Variants in LMLN observed in about 807,000 individuals in gnomAD.
The protein encoded by LMLN is leishmanolysin like peptidase.
In LMLN, 70 loss-of-function variants were observed where a neutral mutation model predicts 92.3. The observed-to-expected ratio is 0.76, with a 90% CI of 0.63 to 0.92. The LOEUF is 0.92. Ranked by LOEUF, LMLN falls within the 40% of genes least tolerant of loss-of-function variation. The probability of loss-of-function intolerance (pLI) is 0.00; values close to 1 mark genes in which losing one functional copy is unlikely to be tolerated. For missense variants in LMLN, 691 were observed against 814.6 expected (o/e 0.85, Z 1.85); for synonymous variants, 308 against 296.2 (o/e 1.04, Z -0.41).
chr3:198,019,398 T>G lies in LMLN; in HGVS notation c.1365+13T>G. ...ACAGGAATACCAGGTAGAACAGGGC[T>G]GGGGCACAGTTTCAGGAATCAGCTT... On this transcript the variant is annotated intron_variant, in intron 12 of 15. Coordinates refer to ENST00000330198, the Ensembl canonical transcript of LMLN. This position sits in a 1 kb window ranked among gnomAD's most constrained non-coding sequence, Gnocchi z 5.5. 1.3e-6 allele frequency: 2 copies of G among 1,598,046 alleles called. No homozygotes were observed. Among genetic ancestry groups the G allele is most frequent in the Non-Finnish European group, 1.7e-6 (2 of 1,175,334 alleles).
At chr3:197,985,836 A>G (rs1218269299) in exon 8 of LMLN, 1 of 1,613,832 alleles carries the variant, frequency 6.2e-7, no homozygotes. Flanking sequence ...CATGATAAAG[A>G]TGGAAATCCT....
exon 14 of LMLN, chr3:198,024,701 C>A (rs1449907812): frequency 6.2e-7 from 1 of 1,611,280 alleles, no homozygotes. Flanking sequence ...GACCTCATTC[C>A]GTTTGTCTAA....
intron 11 of LMLN, among the ~76,000 whole-genome samples, chr3:198,016,393 A>T (rs1017378973): frequency 1.3e-5 from 2 of 152,194 alleles, no homozygotes; most frequent in African/African-American, 4.8e-5. Context: ...TTACCCCTGC[A>T]CTACAGGTTG....
intron 11 of LMLN, among the ~76,000 whole-genome samples, chr3:198,016,194 CAA>C (rs202075630): frequency 3.1e-4 from 26 of 83,842 alleles, no homozygotes; most frequent in Admixed American, 8.4e-4. Flanking sequence ...GTTGCAAAAA[CAA>C]AAAAAAAAAA....
In LMLN at chr3:197,975,484, C is replaced by T. The variant is rs139330107; in HGVS notation, c.348+412C>T. Among the ~76,000 whole-genome samples the T allele has an allele frequency of 3.7e-3, 563 of 152,204 alleles. 3 individuals carry two copies. The highest frequency in any genetic ancestry group is 0.013 in the African/African-American group (525 of 41,506). On this transcript the variant is annotated intron_variant, in intron 3 of 15. Coordinates refer to ENST00000330198, the Ensembl canonical transcript of LMLN. ...CTGTGTGGAGACACACACACATGCA[C>T]GCATGCACACACACGCGCACGTGCA...
Position 197,990,552 on chromosome 3 carries a change from A to G in LMLN, c.930-7A>G, listed in dbSNP as rs374277955. 14 of 1,226,592 alleles carry G rather than the reference A, an allele frequency of 1.1e-5. No homozygotes were observed. Among genetic ancestry groups the G allele is most frequent in the Non-Finnish European group, 1.4e-5 (12 of 835,574 alleles). The allele number at this position is 1,226,592 out of a possible 1,614,324, so 76.0% of individuals were successfully genotyped here. A position where few individuals can be genotyped will look rare whatever the true frequency, so the allele number is the denominator to read the frequency against. On this transcript the variant is annotated splice_polypyrimidine_tract_variant and splice_region_variant and intron_variant, in intron 8 of 15. Transcript: ENST00000330198. Reference sequence around the variant, plus strand: ...GTAATAATTGTGTTTTAATTCTATAATTACAGTCTGGGATTATATCAATGG... The same window carrying G: ...GTAATAATTGTGTTTTAATTCTATAGTTACAGTCTGGGATTATATCAATGG...
chr3:198,013,689 T>A (rs1410159667), intron 11 of LMLN, among the ~76,000 whole-genome samples: 2 of 123,136 alleles, frequency 1.6e-5, no homozygotes, highest in Admixed American at 7.5e-5. Context: ...CTCTCCACCC[T>A]TCAGAGCCCC....
chr3:198,029,497 C>A (rs1246336367), intron 14 of LMLN, among the ~76,000 whole-genome samples: 1 of 152,082 alleles, frequency 6.6e-6, no homozygotes, highest in Non-Finnish European at 1.5e-5. Flanking sequence ...CATGGTGAAA[C>A]CCTGTCTCTA....
intron 14 of LMLN, among the ~76,000 whole-genome samples, chr3:198,034,137 A>G (rs1388402820): frequency 6.6e-6 from 1 of 152,214 alleles, no homozygotes; most frequent in Non-Finnish European, 1.5e-5. Flanking sequence ...ACCTTGGGCT[A>G]TTTCCAAAAA....
intron 14 of LMLN, among the ~76,000 whole-genome samples, chr3:198,030,927 C>A (rs1723062280): frequency 6.8e-6 from 1 of 146,546 alleles, no homozygotes; most frequent in African/African-American, 2.6e-5. Flanking sequence ...TGATGTGACG[C>A]CTGCTGACAG....
chr3:198,036,562 G>A (rs1344399109), intron 15 of LMLN, among the ~76,000 whole-genome samples: 1 of 152,104 alleles, frequency 6.6e-6, no homozygotes, highest in Non-Finnish European at 1.5e-5. Context: ...TTGAGGAATA[G>A]GACCGAGTGC....
intron 11 of LMLN, among the ~76,000 whole-genome samples, chr3:198,013,266 T>C (rs1303375562): frequency 1.0e-5 from 1 of 99,536 alleles, no homozygotes; most frequent in Non-Finnish European, 1.8e-5. Flanking sequence ...CTAACTAGTC[T>C]GACTTCTCTG....
At chr3:198,032,495 G>A (rs1560157640) in intron 14 of LMLN, among the ~76,000 whole-genome samples, 1 of 152,158 alleles carries the variant, frequency 6.6e-6, no homozygotes, top group Non-Finnish European at 1.5e-5. Flanking sequence ...CTGAGGCTGG[G>A]TAATTTATAA....
intron 11 of LMLN, among the ~76,000 whole-genome samples, chr3:198,016,828 T>C (rs772545406): frequency 1.3e-5 from 2 of 152,202 alleles, no homozygotes; most frequent in Non-Finnish European, 2.9e-5. Flanking sequence ...GCAAGGTTTT[T>C]TTTTGAAGTC....
In LMLN at chr3:197,980,434, AC is replaced by A. The variant is rs1400847962; in HGVS notation, c.660del (p.Glu221ArgfsTer25). The A allele has an allele frequency of 8.1e-6, 13 of 1,613,974 alleles. No individual in the cohort carries two copies. The highest frequency in any genetic ancestry group is 2.7e-5 in the African/African-American group (2 of 74,938). On this transcript the variant is annotated frameshift_variant, in exon 6 of 16. Transcript: ENST00000330198. LOFTEE classifies it high-confidence loss of function. The stretch of plus-strand genomic sequence containing the variant: ...TGTTCTTTACGTTGGTGCTCTGGCC[AC>A]CGAGAGATGCAGCCATGAAAACATC...
At chr3:198,035,718 C>T (rs1252409644) in intron 14 of LMLN, 115 bp from the exon 16 acceptor site, 2 of 851,484 alleles carry the variant, frequency 2.3e-6, no homozygotes, top group Non-Finnish European at 3.6e-6. Context: ...TGCTTTATAG[C>T]CAATGTTTTT....
intron 11 of LMLN, among the ~76,000 whole-genome samples, chr3:198,008,595 C>T (rs1229196154): frequency 6.6e-6 from 1 of 152,150 alleles, no homozygotes; most frequent in East Asian, 1.9e-4. Context: ...GGCATGGTGG[C>T]CCATGCCTGT....
chr3:197,977,109 G>A (rs563109880), intron 5 of LMLN, among the ~76,000 whole-genome samples: 60 of 152,220 alleles, frequency 3.9e-4, no homozygotes, highest in African/African-American at 1.4e-3. Context: ...TAATGGCTAC[G>A]TAATATATGT....
intron 7 of LMLN, 30 bp from the exon 8 acceptor site, chr3:197,985,766 C>A: frequency 6.8e-7 from 1 of 1,466,480 alleles, no homozygotes; most frequent in Non-Finnish European, 9.6e-7. Flanking sequence ...ATGTTTTTCA[C>A]TTGAAGACAT....
Sources: gnomAD v4.1 joint callset for allele counts (sites outside exome capture counted in the v4.1 genomes callset) on GRCh38, gnomAD v4.1.1 for gene constraint, Gnocchi (gnomAD v3.1) non-coding constraint, MANE v1.5 for transcripts, NCBI Gene and HGNC (gene_info 2026-07-23, HGNC 2026-07-21) for gene names.